FAXC: variants seen among roughly 807,000 people sequenced by gnomAD.
The protein encoded by FAXC is failed axon connections homolog.
FAXC carries 10 observed loss-of-function variants against 41.9 expected under a neutral mutation model. The ratio of observed to expected loss-of-function variants is 0.24; its 90% CI spans 0.15 to 0.41. The LOEUF is 0.41. Among genes scored for constraint, FAXC ranks in the 10% least tolerant of loss-of-function variants. FAXC has a pLI of 1.00. For missense variants in FAXC, 399 were observed against 510.9 expected, an observed-to-expected ratio of 0.78 and a Z score of 2.11; for synonymous variants, 183 against 183.8, an observed-to-expected ratio of 1.00 and a Z score of 0.03.
chr6:99,301,749 A>G (rs1480656674), intron 4 of FAXC, among the ~76,000 whole-genome samples: 1 of 152,192 alleles, frequency 6.6e-6, no homozygotes, highest in Admixed American at 6.5e-5. Context: ...CCTTTTATCT[A>G]AATAAATAAC....
intron 3 of FAXC, among the ~76,000 whole-genome samples, chr6:99,328,620 GACATCCTA>G (rs776210630): frequency 6.6e-6 from 1 of 152,130 alleles, no homozygotes; most frequent in Non-Finnish European, 1.5e-5. Context: ...CCTCTGCCTA[GACATCCTA>G]ACCTTTCCCG....
rs1438004017 is a variant in FAXC, at chr6:99,271,993, A to G, written c.*9171T>C. 1 of 152,168 alleles carries G rather than the reference A, an allele frequency of 6.6e-6. No homozygotes were observed. Among genetic ancestry groups the G allele is most frequent in the East Asian group, 1.9e-4 (1 of 5,198 alleles). The allele number at this position is 152,168 out of a possible 1,614,324, so 9.4% of individuals were successfully genotyped here. On this transcript the variant is annotated 3_prime_UTR_variant, in exon 6 of 6. Coordinates refer to ENST00000389677, the MANE Select transcript of FAXC (RefSeq NM_032511.4). ...ACTTCATAGTAAGATTTGAATTTCC[A>G]AAATCTTGCTGTGAATCTCTGACCC...
chr6:99,320,086 AT>A, intron 4 of FAXC, among the ~76,000 whole-genome samples: 1 of 152,298 alleles, frequency 6.6e-6, no homozygotes, highest in Non-Finnish European at 1.5e-5. Context: ...TTGGTATTTT[AT>A]TTAACTGGGG....
At chr6:99,315,245 AAAAAAAAAAAAAAAAAAC>A (rs1772302481) in intron 4 of FAXC, among the ~76,000 whole-genome samples, 1 of 129,714 alleles carries the variant, frequency 7.7e-6, no homozygotes, top group Admixed American at 8.2e-5. Flanking sequence ...AAAAAAAAAA[AAAAAAAAAAAAAAAAAAC>A]CAGTAAATGT....
intron 5 of FAXC, among the ~76,000 whole-genome samples, chr6:99,285,147 T>C (rs1367055101): frequency 2.0e-5 from 3 of 152,164 alleles, no homozygotes; most frequent in Non-Finnish European, 4.4e-5. Context: ...TCTGATGTTA[T>C]CTATCAAAAA....
chr6:99,293,831 C>G (rs988293973), intron 4 of FAXC, among the ~76,000 whole-genome samples: 1 of 151,940 alleles, frequency 6.6e-6, no homozygotes, highest in South Asian at 2.1e-4. Flanking sequence ...TTACTACATG[C>G]CTGGCCTGGT....
intron 3 of FAXC, 143 bp downstream of exon 3, chr6:99,333,205 CATA>C: frequency 3.0e-6 from 2 of 656,268 alleles, no homozygotes; most frequent in Non-Finnish European, 5.0e-6. Flanking sequence ...ACTTCACAGT[CATA>C]ATAACTTTGA....
At chr6:99,350,036 G>C (rs969169353), upstream of FAXC, 12 of 152,270 alleles carry the variant, frequency 7.9e-5, no homozygotes, top group Non-Finnish European at 1.3e-4. Flanking sequence ...GCGGAGCTGC[G>C]GGCAGGAGAC....
chr6:99,294,299 C>T (rs886956730), intron 4 of FAXC, among the ~76,000 whole-genome samples: 10 of 152,196 alleles, frequency 6.6e-5, no homozygotes, highest in African/African-American at 2.4e-4. Flanking sequence ...GAGGGTGCAT[C>T]CCGCTGGCGC....
intron 2 of FAXC, among the ~76,000 whole-genome samples, chr6:99,336,436 T>C (rs866783612): frequency 6.6e-6 from 1 of 152,186 alleles, no homozygotes; most frequent in Non-Finnish European, 1.5e-5. Flanking sequence ...TTTAAATCTA[T>C]TGAAGAACTC....
At chr6:99,285,033 A>C (rs894618372) in intron 5 of FAXC, among the ~76,000 whole-genome samples, 4 of 151,808 alleles carry the variant, frequency 2.6e-5, no homozygotes, top group Non-Finnish European at 5.9e-5. Context: ...GGTAAAAAAA[A>C]AAAAGTCTGA....
rs1479035726 is a variant in FAXC, at chr6:99,276,417, G to A, written c.*4747C>T. The A allele has an allele frequency of 1.3e-5, 2 of 152,150 alleles. No homozygotes were observed. Among genetic ancestry groups the A allele is most frequent in the African/African-American group, 2.4e-5 (1 of 41,454 alleles). 9.4% of individuals were successfully genotyped at this position (152,150 alleles called of 1,614,324 possible). On this transcript the variant is annotated 3_prime_UTR_variant, in exon 6 of 6. Coordinates refer to ENST00000389677, the MANE Select transcript of FAXC (RefSeq NM_032511.4). ...GCTGAAAGGAAGCGCACTTGGCCCT[G>A]AACTCATTTTGATAAATCAATTTTG...
At chr6:99,349,797 G>T (rs1773742253), upstream of FAXC, 1 of 152,126 alleles carries the variant, frequency 6.6e-6, no homozygotes. Context: ...GATCTGCAGG[G>T]CTGAGGCGCG....
Position 99,341,387 on chromosome 6 carries a change from C to T in FAXC, c.402+1511G>A, listed in dbSNP as rs75582057. On this transcript the variant is annotated intron_variant, in intron 2 of 5. Transcript: ENST00000389677. ...GAAATAAATACAAAAAGAGAGAGGGCGAGAAAAAGAGAGAGAGAATGAAGA... is the reference window on the plus strand; with the variant it reads ...GAAATAAATACAAAAAGAGAGAGGGTGAGAAAAAGAGAGAGAGAATGAAGA... Among the ~76,000 whole-genome samples, 612 of 151,246 alleles carry T rather than the reference C, an allele frequency of 4.0e-3. 1 individual carries two copies. Among genetic ancestry groups the T allele is most frequent in the African/African-American group, 0.014 (585 of 41,228 alleles).
chr6:99,344,342 CAGAT>C lies in FAXC; in HGVS notation c.267-1313_267-1310del, dbSNP rs531825198. Among the ~76,000 whole-genome samples the C allele has an allele frequency of 6.6e-5, 10 of 152,258 alleles. No homozygotes were observed. In the South Asian group the frequency reaches 2.1e-3, roughly 32 times the overall value. ...TCATTTGACCCAGCTGATTTCTAGT[CAGAT>C]AAACTTCACTCTTCCTTCCCCTTGG... On this transcript the variant is annotated intron_variant, in intron 1 of 5. Coordinates refer to ENST00000389677, the MANE Select transcript of FAXC (RefSeq NM_032511.4).
Position 99,278,898 on chromosome 6 carries a change from C to A in FAXC, c.*2266G>T, listed in dbSNP as rs1056382571. The A allele has an allele frequency of 6.6e-6, 1 of 152,318 alleles. No individual in the cohort carries two copies. Among genetic ancestry groups the A allele is most frequent in the African/African-American group, 2.4e-5 (1 of 41,572 alleles). 9.4% of individuals were successfully genotyped at this position (152,318 alleles called of 1,614,324 possible). The stretch of plus-strand genomic sequence containing the variant: ...TTAAAAACATATATTAATCTACATT[C>A]TCATAACTTAATCATCCTTTGAGAG... On this transcript the variant is annotated 3_prime_UTR_variant, in exon 6 of 6. Transcript: ENST00000389677.
chr6:99,313,610 A>C (rs1375629184), intron 4 of FAXC, among the ~76,000 whole-genome samples: 1 of 152,204 alleles, frequency 6.6e-6, no homozygotes, highest in Non-Finnish European at 1.5e-5. Context: ...CACCATGTTT[A>C]GAAAAACTTT....
intron 3 of FAXC, among the ~76,000 whole-genome samples, chr6:99,328,558 T>C (rs1411551218): frequency 6.6e-6 from 1 of 152,200 alleles, no homozygotes; most frequent in East Asian, 1.9e-4. Context: ...AACGGCCTAA[T>C]ATACTCCCCA....
chr6:99,343,003 A>G lies in FAXC; in HGVS notation c.297T>C (p.Ala99=). The change falls in exon 2 of 6, where the codon GCT becomes GCC. Residue 99 remains alanine (A), a synonymous_variant. Coordinates refer to ENST00000389677, the MANE Select transcript of FAXC (RefSeq NM_032511.4). ...RKQQEIDSKD[A]IILHQFARPN... is the part of the protein sequence containing the mutation. ...GTCTTGCAAACTGATGCAAAATAAT[A>G]GCATCTTTAGAGTCAATCTCTTGCT... 2 of 1,611,146 alleles carry G rather than the reference A, an allele frequency of 1.2e-6. No individual in the cohort carries two copies. The highest frequency in any genetic ancestry group is 2.2e-5 in the East Asian group (1 of 44,812).
Sources: allele counts gnomAD v4.1 joint callset (sites outside exome capture counted in the v4.1 genomes callset), GRCh38; gene constraint gnomAD v4.1.1; transcripts MANE v1.5; gene names NCBI Gene and HGNC (gene_info 2026-07-23, HGNC 2026-07-21).